The following GRIP1 variants were observed in gnomAD, a reference collection of about 807,000 sequenced individuals.
GRIP1 encodes the protein glutamate receptor-interacting protein 1.
In GRIP1, 45 loss-of-function variants were observed where a neutral mutation model predicts 129.9. That is an observed-to-expected ratio of 0.35 (90% CI 0.27 to 0.44). The LOEUF (loss-of-function observed/expected upper bound fraction) is 0.44. Among genes scored for constraint, GRIP1 ranks in the 20% least tolerant of loss-of-function variants. GRIP1 has a pLI of 1.00. For missense variants in GRIP1, 1,196 were observed against 1,396.8 expected, an observed-to-expected ratio of 0.86 and a Z score of 2.29; for synonymous variants, 530 against 520.8, an observed-to-expected ratio of 1.02 and a Z score of -0.24.
intron 1 of GRIP1, among the ~76,000 whole-genome samples, chr12:66,937,597 G>C (rs998746601): frequency 6.6e-6 from 1 of 152,186 alleles, no homozygotes. Flanking sequence ...GAGAAAGGGT[G>C]TGAGAATAGA....
At chr12:66,630,503 A>G (rs1592673776) in intron 1 of GRIP1, among the ~76,000 whole-genome samples, 1 of 141,760 alleles carries the variant, frequency 7.1e-6, no homozygotes, top group South Asian at 2.2e-4. Flanking sequence ...AATTTTTTTG[A>G]GTGAAAGAAT....
chr12:66,526,818 C>G (rs1195736526), intron 5 of GRIP1, among the ~76,000 whole-genome samples: 1 of 151,532 alleles, frequency 6.6e-6, no homozygotes, highest in East Asian at 1.9e-4. Flanking sequence ...ACAATGAACT[C>G]AAACAAATTT....
chr12:66,484,507 G>A (rs1051070464), intron 7 of GRIP1, among the ~76,000 whole-genome samples: 1 of 152,176 alleles, frequency 6.6e-6, no homozygotes, highest in African/African-American at 2.4e-5. Context: ...GAAAAAGAAT[G>A]AAATCCTGTC....
chr12:66,557,316 G>A lies in GRIP1; in HGVS notation c.137-15366C>T, dbSNP rs528676635. On this transcript the variant is annotated intron_variant, in intron 2 of 24. Transcript: ENST00000359742. ...ATATGTACACCCAACACTGGAGTAC[G>A]CAGATATACAAAGCAAATATTATTA... 1.2e-4 allele frequency among the ~76,000 whole-genome samples: 18 copies of A among 152,168 alleles called. 1 individual carries two copies. The South Asian group carries it at 1.5e-3, about 12-fold the overall frequency.
At chr12:67,063,874 A>C (rs1050476408) in intron 1 of GRIP1, among the ~76,000 whole-genome samples, 1 of 152,240 alleles carries the variant, frequency 6.6e-6, no homozygotes, top group Non-Finnish European at 1.5e-5. Flanking sequence ...GCCAGAGTTC[A>C]GATTTTGGCT....
intron 1 of GRIP1, among the ~76,000 whole-genome samples, chr12:66,933,010 A>G (rs1006038516): frequency 6.6e-6 from 1 of 152,176 alleles, no homozygotes; most frequent in East Asian, 1.9e-4. Context: ...GCAAGGAATG[A>G]TATTGTTCCT....
At chr12:66,890,233 C>G (rs2040635752) in intron 1 of GRIP1, among the ~76,000 whole-genome samples, 1 of 152,076 alleles carries the variant, frequency 6.6e-6, no homozygotes, top group African/African-American at 2.4e-5. Flanking sequence ...CCGGCCAGCT[C>G]AGAGAACTTA....
intron 2 of GRIP1, among the ~76,000 whole-genome samples, chr12:66,586,065 T>A (rs941767057): frequency 6.6e-6 from 1 of 152,192 alleles, no homozygotes; most frequent in South Asian, 2.1e-4. Context: ...ATAGACCACA[T>A]GCTCCCTCTG....
intron 1 of GRIP1, among the ~76,000 whole-genome samples, chr12:67,041,261 T>TGTGTATATATCCATATATACAC (rs1430036231): frequency 2.0e-5 from 3 of 152,110 alleles, no homozygotes; most frequent in African/African-American, 2.4e-5. Flanking sequence ...CATATATACA[T>TGTGTATATATCCATATATACAC]GTGTATATAT....
Position 66,596,852 on chromosome 12 carries a change from A to G in GRIP1, c.131T>C (p.Ile44Thr). The change falls in exon 2 of 25, where the codon ATC becomes ACC. Residue 44 changes from isoleucine (I) to threonine (T), a missense_variant. This residue lies in a region of GRIP1 where 217 missense variants were observed against 224.8 expected (regional missense o/e 0.97). Coordinates refer to ENST00000359742, the MANE Select transcript of GRIP1 (RefSeq NM_001366722.1). Reference protein sequence around the residue: ...DGALAVRRQSIPEEFKGSTVV... With the variant: ...DGALAVRRQSTPEEFKGSTVV... ...ATCCAACAGTCTGGTCTAACCTGGG[A>G]TGCTCTGTCTCCTCACAGCCAACGC... The G allele has an allele frequency of 6.2e-7, 1 of 1,608,968 alleles. No individual in the cohort carries two copies. The highest frequency in any genetic ancestry group is 8.5e-7 in the Non-Finnish European group (1 of 1,175,360).
chr12:66,998,806 C>A (rs543616766), intron 1 of GRIP1, among the ~76,000 whole-genome samples: 3 of 152,274 alleles, frequency 2.0e-5, no homozygotes, highest in African/African-American at 4.8e-5. Context: ...AATACTTCTG[C>A]CATTATTTCC....
intron 1 of GRIP1, among the ~76,000 whole-genome samples, chr12:66,703,674 G>A (rs1280150537): frequency 6.6e-6 from 1 of 152,046 alleles, no homozygotes; most frequent in Admixed American, 6.6e-5. Flanking sequence ...ACTGGTGAAG[G>A]GTGGAACACT....
At chr12:66,692,069 T>C (rs556451595) in intron 1 of GRIP1, among the ~76,000 whole-genome samples, 1 of 152,344 alleles carries the variant, frequency 6.6e-6, no homozygotes, top group African/African-American at 2.4e-5. Flanking sequence ...CCTGCTTTTT[T>C]CCTCCCACCT....
intron 2 of GRIP1, among the ~76,000 whole-genome samples, chr12:66,552,041 A>G (rs1194828766): frequency 1.3e-5 from 2 of 152,202 alleles, no homozygotes; most frequent in African/African-American, 4.8e-5. Context: ...GAAGTGAAAG[A>G]AGATCCTGAG....
At chr12:66,673,579 CAG>C (rs1018464092) in intron 1 of GRIP1, among the ~76,000 whole-genome samples, 1 of 152,142 alleles carries the variant, frequency 6.6e-6, no homozygotes, top group African/African-American at 2.4e-5. Context: ...ATTTGGAAGA[CAG>C]GGGAGAAATA....
chr12:66,516,587 T>C (rs1311955421), intron 6 of GRIP1, among the ~76,000 whole-genome samples: 1 of 152,206 alleles, frequency 6.6e-6, no homozygotes, highest in Admixed American at 6.5e-5. Context: ...TCTAAATTAA[T>C]TTGGTAATAC....
At chr12:66,455,377 G>A in intron 11 of GRIP1, 32 bp downstream of exon 11, 2 of 1,609,464 alleles carry the variant, frequency 1.2e-6, no homozygotes. Context: ...GTTTTTTCCA[G>A]GCCAAATGCC....
At chr12:66,767,989 G>T (rs1266116300) in intron 1 of GRIP1, among the ~76,000 whole-genome samples, 1 of 152,172 alleles carries the variant, frequency 6.6e-6, no homozygotes, top group African/African-American at 2.4e-5. Context: ...TGTATATGCT[G>T]CAGGCTTATG....
At chr12:66,634,111 T>C (rs2031122070) in intron 1 of GRIP1, among the ~76,000 whole-genome samples, 1 of 152,252 alleles carries the variant, frequency 6.6e-6, no homozygotes. Context: ...AGGTAATAAG[T>C]AGTGATTTAT....
Sources: gnomAD v4.1 joint callset for allele counts (sites outside exome capture counted in the v4.1 genomes callset) on GRCh38, gnomAD v4.1.1 for gene constraint, gnomAD v4.1.1 regional missense constraint, MANE v1.5 for transcripts, NCBI Gene and HGNC (gene_info 2026-07-23, HGNC 2026-07-21) for gene names.